Variants in PPP2R3C observed in about 807,000 individuals in gnomAD.
The protein encoded by PPP2R3C is protein phosphatase 2 regulatory subunit B''gamma, also known as serine/threonine-protein phosphatase 2A regulatory subunit B'' subunit gamma.
Under a neutral mutation model 63.7 loss-of-function variants are expected in PPP2R3C, and 47 were observed. The observed-to-expected ratio is 0.74, with a 90% CI of 0.58 to 0.94. The LOEUF (loss-of-function observed/expected upper bound fraction) is 0.94. Among genes scored for constraint, PPP2R3C ranks in the 40% least tolerant of loss-of-function variants. PPP2R3C has a pLI of 0.00. For synonymous variants in PPP2R3C, 180 were observed against 177.4 expected (o/e 1.01, Z -0.12); for missense variants, 421 against 518.4 (o/e 0.81, Z 1.82).
intron 7 of PPP2R3C, chr14:35,099,004 G>T: frequency 2.9e-6 from 1 of 341,522 alleles, no homozygotes. Context: ...TCACTGTTAG[G>T]TGATGTCCCC....
intron 2 of PPP2R3C, among the ~76,000 whole-genome samples, chr14:35,115,002 A>C (rs907467911): frequency 4.0e-5 from 6 of 151,848 alleles, no homozygotes; most frequent in Admixed American, 3.3e-4. Context: ...TCAAAAAAAA[A>C]ACAAAAAGAT....
At chr14:35,096,830 A>C in intron 7 of PPP2R3C, 66 bp from the exon 8 acceptor site, 10 of 1,422,568 alleles carry the variant, frequency 7.0e-6, no homozygotes, top group Non-Finnish European at 7.5e-6. Flanking sequence ...TTAATTAAAA[A>C]AAAATTTTTT....
chr14:35,109,063 CT>C (rs1052048853), intron 4 of PPP2R3C, among the ~76,000 whole-genome samples: 153 of 144,844 alleles, frequency 1.1e-3, no homozygotes, highest in Middle Eastern at 3.6e-3. Context: ...TATATTATTT[CT>C]TTTTTTTTTT....
At position 35,110,534 on chromosome 14, in the gene PPP2R3C, T is replaced by C. The variant is rs767432891; in HGVS notation, c.282A>G (p.Glu94=). The change falls in exon 3 of 13, where the codon GAA becomes GAG. Residue 94 remains glutamate, a synonymous_variant. Coordinates refer to ENST00000261475, the MANE Select transcript of PPP2R3C (RefSeq NM_017917.4). The part of the protein sequence containing the change: ...QRKSRELLDN[E]ELQNLWFLLD... ...TTTGCTTTGTTCTTACCTGTAATTC[T>C]TCATTATCTAACAGTTCTCTGCTTT... is the stretch of plus-strand genomic sequence containing the variant. 4.4e-6 allele frequency: 7 copies of C among 1,601,910 alleles called. No individual in the cohort carries two copies. The East Asian group carries it at 1.6e-4, about 36-fold the overall frequency.
At chr14:35,113,823 C>T (rs1292705785) in intron 2 of PPP2R3C, among the ~76,000 whole-genome samples, 1 of 152,148 alleles carries the variant, frequency 6.6e-6, no homozygotes, top group East Asian at 1.9e-4. Flanking sequence ...CAATGCTGAC[C>T]TGCATACCCT....
At chr14:35,117,007 C>T in intron 1 of PPP2R3C, 2 of 433,942 alleles carry the variant, frequency 4.6e-6, no homozygotes, top group African/African-American at 2.0e-5. Context: ...CCTCAAATTA[C>T]CTCTCCTACA....
Position 35,099,234 on chromosome 14 carries a change from G to A in PPP2R3C, c.706+18C>T, listed in dbSNP as rs2046105904. On this transcript the variant is annotated intron_variant, in intron 7 of 12. Coordinates refer to ENST00000261475, the MANE Select transcript of PPP2R3C (RefSeq NM_017917.4). ...TAATATCCTCATAATATCTAAGTTA[G>A]ATAAGATTTTCTTTTACCTGTTCTT... is the stretch of plus-strand genomic sequence containing the variant. The A allele has an allele frequency of 2.6e-6, 4 of 1,539,480 alleles. No homozygotes were observed. The highest frequency in any genetic ancestry group is 3.5e-6 in the Non-Finnish European group (4 of 1,151,960).
At chr14:35,100,433 A>T (rs1340290870) in intron 6 of PPP2R3C, 1 of 152,172 alleles carries the variant, frequency 6.6e-6, no homozygotes, top group Non-Finnish European at 1.5e-5. Flanking sequence ...TCCCACCAGC[A>T]ATGTGAAGGC....
At chr14:35,113,988 A>T (rs1310925372) in intron 2 of PPP2R3C, among the ~76,000 whole-genome samples, 1 of 152,156 alleles carries the variant, frequency 6.6e-6, no homozygotes, top group Admixed American at 6.5e-5. Context: ...TAACAGTAAC[A>T]TATTATTTAA....
At chr14:35,095,706 C>T (rs919702435) in intron 9 of PPP2R3C, among the ~76,000 whole-genome samples, 14 of 151,158 alleles carry the variant, frequency 9.3e-5, no homozygotes, top group East Asian at 3.9e-4. Flanking sequence ...AAACATTAGC[C>T]GGGTGTGGTG....
intron 8 of PPP2R3C, 30 bp from the exon 9 acceptor site, chr14:35,096,663 A>G: frequency 6.2e-7 from 1 of 1,610,176 alleles, no homozygotes; most frequent in Non-Finnish European, 8.5e-7. Context: ...TAATTAGAAG[A>G]TAGCAACTGT....
intron 4 of PPP2R3C, 58 bp downstream of exon 4, chr14:35,109,761 T>A (rs2046487022): frequency 7.4e-7 from 1 of 1,354,248 alleles, no homozygotes; most frequent in East Asian, 2.4e-5. Flanking sequence ...CAGCCAATAT[T>A]TGAGGCATTT....
chr14:35,111,391 C>A (rs1206980088), intron 2 of PPP2R3C, among the ~76,000 whole-genome samples: 1 of 152,168 alleles, frequency 6.6e-6, no homozygotes, highest in African/African-American at 2.4e-5. Flanking sequence ...TTGTTTTTAA[C>A]CTCCAATCTG....
intron 2 of PPP2R3C, among the ~76,000 whole-genome samples, chr14:35,115,764 G>A (rs991966187): frequency 2.0e-5 from 3 of 152,172 alleles, no homozygotes; most frequent in Non-Finnish European, 2.9e-5. Flanking sequence ...TAGGATTACC[G>A]GCGCGCGCCA....
intron 6 of PPP2R3C, among the ~76,000 whole-genome samples, chr14:35,104,619 G>C (rs2046292362): frequency 6.6e-6 from 1 of 152,166 alleles, no homozygotes; most frequent in South Asian, 2.1e-4. Context: ...ATAATTCTCT[G>C]TTGATAACTT....
chr14:35,090,266 G>T (rs1027435156), intron 11 of PPP2R3C, among the ~76,000 whole-genome samples: 6 of 124,072 alleles, frequency 4.8e-5, no homozygotes, highest in Non-Finnish European at 8.2e-5. Flanking sequence ...TTTTGAGACC[G>T]AGTGTTGCTT....
At position 35,085,569 on chromosome 14, in the gene PPP2R3C, G is replaced by C. The variant is rs752342723; in HGVS notation, c.*21C>G. 6.4e-7 allele frequency: 1 copy of C among 1,569,976 alleles called. No homozygotes were observed. Among genetic ancestry groups the C allele is most frequent in the African/African-American group, 1.4e-5 (1 of 72,964 alleles). On this transcript the variant is annotated 3_prime_UTR_variant, in exon 13 of 13. Transcript: ENST00000261475. ...AGCATTCAAGTATCTCATAATATAA[G>C]ACAGTCTAGTCTTTCAGAGATCATG...
At chr14:35,090,230 A>G (rs905300047) in intron 11 of PPP2R3C, among the ~76,000 whole-genome samples, 11 of 145,344 alleles carry the variant, frequency 7.6e-5, no homozygotes, top group African/African-American at 2.5e-4. Context: ...AGACTTTGGT[A>G]GTTGTAGTTT....
At chr14:35,094,474 T>C (rs963621700) in intron 10 of PPP2R3C, among the ~76,000 whole-genome samples, 1 of 94,956 alleles carries the variant, frequency 1.1e-5, no homozygotes, top group African/African-American at 3.3e-5. Context: ...TGGCCTCAGC[T>C]TTTTTTTAAA....
Sources: gnomAD v4.1 joint callset for allele counts (sites outside exome capture counted in the v4.1 genomes callset) on GRCh38, gnomAD v4.1.1 for gene constraint, MANE v1.5 for transcripts, NCBI Gene and HGNC (gene_info 2026-07-23, HGNC 2026-07-21) for gene names.